The following RBFOX3 variants were observed in gnomAD, a reference collection of about 807,000 sequenced individuals.
RBFOX3 encodes the protein RNA binding protein fox-1 homolog 3.
In RBFOX3, 17 loss-of-function variants were observed where a neutral mutation model predicts 48.7. That is an observed-to-expected ratio of 0.35 (90% confidence interval 0.24 to 0.52). The LOEUF is 0.52. RBFOX3 is among the 20% of genes least tolerant of loss of function. The probability of loss-of-function intolerance (pLI) is 0.94; values close to 1 mark genes in which losing one functional copy is unlikely to be tolerated. For missense variants in RBFOX3, 382 were observed against 497.5 expected (o/e 0.77, Z 2.21); for synonymous variants, 212 against 209.5 (o/e 1.01, Z -0.10).
intron 3 of RBFOX3, among the ~76,000 whole-genome samples, chr17:79,256,381 G>A (rs558610673): frequency 2.6e-5 from 4 of 152,260 alleles, no homozygotes; most frequent in South Asian, 2.1e-4. Context: ...GCCGGCCACC[G>A]GCTCCGGGAG....
chr17:79,645,186 G>T, the RBFOX3 span, among the ~76,000 whole-genome samples: 1 of 151,930 alleles, frequency 6.6e-6, no homozygotes, highest in African/African-American at 2.4e-5. Context: ...TCCACACCCC[G>T]CCTTTCGCTT....
chr17:79,229,993 T>C (rs186006769), intron 4 of RBFOX3, among the ~76,000 whole-genome samples: 8 of 152,224 alleles, frequency 5.3e-5, no homozygotes, highest in Admixed American at 3.9e-4. Context: ...AGATAAAGGA[T>C]TGGGTATGTC....
intron 4 of RBFOX3, among the ~76,000 whole-genome samples, chr17:79,200,112 G>A (rs191419624): frequency 8.1e-4 from 110 of 135,408 alleles, no homozygotes; most frequent in East Asian, 2.1e-3. Context: ...GCAGTGAGCC[G>A]ATATTGCGTC....
chr17:79,397,948 C>T (rs951585153), intron 2 of RBFOX3, among the ~76,000 whole-genome samples: 7 of 152,092 alleles, frequency 4.6e-5, no homozygotes, highest in Non-Finnish European at 7.3e-5. Flanking sequence ...CGAATCTGTC[C>T]GGCGGCGGAT....
chr17:79,256,452 C>G (rs1008381108), intron 3 of RBFOX3, among the ~76,000 whole-genome samples: 2 of 152,228 alleles, frequency 1.3e-5, no homozygotes, highest in Non-Finnish European at 1.5e-5. Flanking sequence ...GTCCCTAAAT[C>G]AATAATTCAT....
At chr17:79,553,046 ATAG>A (rs1401651850) in intron 1 of RBFOX3, among the ~76,000 whole-genome samples, 1 of 152,192 alleles carries the variant, frequency 6.6e-6, no homozygotes, top group African/African-American at 2.4e-5. Context: ...ACAATATGAA[ATAG>A]TAGTAGCAAG....
chr17:79,599,095 T>A (rs1325253070), intron 1 of RBFOX3: 1 of 152,116 alleles, frequency 6.6e-6, no homozygotes, highest in African/African-American at 2.4e-5. Context: ...TACTCTGCAA[T>A]CCAGATCCAC....
chr17:79,114,447 GC>G (rs1206618670), intron 5 of RBFOX3, among the ~76,000 whole-genome samples: 4 of 152,342 alleles, frequency 2.6e-5, no homozygotes, highest in East Asian at 1.9e-4. Context: ...GTCGGGTCCA[GC>G]CCAGGAGGTG....
chr17:79,198,819 G>A lies in RBFOX3; in HGVS notation c.-34+36947C>T, dbSNP rs1047831815. Among the ~76,000 whole-genome samples, 2 of 152,078 alleles carry A rather than the reference G, an allele frequency of 1.3e-5. No individual in the cohort carries two copies. The highest frequency in any genetic ancestry group is 2.9e-5 in the Non-Finnish European group (2 of 68,022). ...TTTTTTTGTACTTTTGGTAGAGATG[G>A]CGTTTCATCATGTTGGCCAGGCTAA... On this transcript the variant is annotated intron_variant, in intron 4 of 14. Coordinates refer to ENST00000693108, the MANE Select transcript of RBFOX3 (RefSeq NM_001350451.2). This position sits in a 1 kb window ranked among gnomAD's most constrained non-coding sequence, Gnocchi z 8.2.
chr17:79,518,396 G>A (rs1045587550), intron 1 of RBFOX3, among the ~76,000 whole-genome samples: 10 of 152,144 alleles, frequency 6.6e-5, no homozygotes, highest in Non-Finnish European at 1.0e-4. Context: ...GGGGATGGGG[G>A]CGCCTCACGG....
At chr17:79,264,617 A>G (rs979071897) in intron 3 of RBFOX3, among the ~76,000 whole-genome samples, 2 of 152,204 alleles carry the variant, frequency 1.3e-5, no homozygotes, top group African/African-American at 4.8e-5. Context: ...CAGGAGACTC[A>G]TCCACGTGCT....
At chr17:79,340,403 A>C (rs1248339542) in intron 2 of RBFOX3, among the ~76,000 whole-genome samples, 1 of 152,164 alleles carries the variant, frequency 6.6e-6, no homozygotes, top group East Asian at 1.9e-4. Flanking sequence ...ACCTCCCAGA[A>C]GTGAAAGCTT....
At chr17:79,317,717 T>C (rs1263192176) in intron 2 of RBFOX3, among the ~76,000 whole-genome samples, 2 of 151,998 alleles carry the variant, frequency 1.3e-5, no homozygotes, top group Non-Finnish European at 1.5e-5. Flanking sequence ...AGGTAACTAG[T>C]AGGTACTTTA....
Position 79,243,043 on chromosome 17 carries a change from TGG to T in RBFOX3, c.-73-7240_-73-7239del, listed in dbSNP as rs10578188. On this transcript the variant is annotated intron_variant, in intron 3 of 14. Coordinates refer to ENST00000693108, the MANE Select transcript of RBFOX3 (RefSeq NM_001350451.2). The surrounding 1 kb of genome is among the most constrained non-coding windows in gnomAD (Gnocchi z 7.9). ...CTACCTGCTGGGGACTGTGTTTTTC[TGG>T]GGTTATGCCATTGATGATGTCATTT... Among the ~76,000 whole-genome samples the T allele has an allele frequency of 0.19, 28,741 of 152,076 alleles. 2,892 individuals are homozygous for T. Among genetic ancestry groups the T allele is most frequent in the Middle Eastern group, 0.28 (82 of 294 alleles).
chr17:79,458,863 C>T (rs2074983052), intron 2 of RBFOX3, among the ~76,000 whole-genome samples: 1 of 152,240 alleles, frequency 6.6e-6, no homozygotes, highest in East Asian at 1.9e-4. Context: ...TGCCTTCACA[C>T]TCCCCTCCAT....
At chr17:79,635,582 T>C in the RBFOX3 span, among the ~76,000 whole-genome samples, 4 of 152,026 alleles carry the variant, frequency 2.6e-5, no homozygotes, top group African/African-American at 9.7e-5. Flanking sequence ...ATAGAAGACA[T>C]TAAAGGAAAA....
the RBFOX3 span, among the ~76,000 whole-genome samples, chr17:79,635,059 CAAAAAAAAAAAAAAAAAAAA>C: frequency 9.3e-5 from 5 of 53,492 alleles, no homozygotes; most frequent in African/African-American, 2.2e-4. Flanking sequence ...GACTCCATCT[CAAAAAAAAAAAAAAAAAAAA>C]AAAAAAAAAA....
At chr17:79,125,944 T>G (rs112655512) in intron 4 of RBFOX3, among the ~76,000 whole-genome samples, 1 of 152,102 alleles carries the variant, frequency 6.6e-6, no homozygotes, top group African/African-American at 2.4e-5. Context: ...GCCCAAGAGG[T>G]GAGTCCACCC....
chr17:79,321,448 G>C (rs77265926), intron 2 of RBFOX3, among the ~76,000 whole-genome samples: 1 of 152,200 alleles, frequency 6.6e-6, no homozygotes, highest in African/African-American at 2.4e-5. Context: ...AACTGGAGCC[G>C]AGACACAGAA....
Sources: gnomAD v4.1 joint callset for allele counts (sites outside exome capture counted in the v4.1 genomes callset) on GRCh38, gnomAD v4.1.1 for gene constraint, Gnocchi (gnomAD v3.1) non-coding constraint, MANE v1.5 for transcripts, NCBI Gene and HGNC (gene_info 2026-07-23, HGNC 2026-07-21) for gene names.